The following TRPV3 variants were observed in gnomAD, a reference collection of about 807,000 sequenced individuals.
The protein encoded by TRPV3 is VRL-3.
In TRPV3, 88 loss-of-function variants were observed where a neutral mutation model predicts 87.1. The observed-to-expected ratio is 1.01, with a 90% confidence interval of 0.85 to 1.21. TRPV3 has a LOEUF of 1.21. Among genes scored for constraint, TRPV3 ranks in the 50% most tolerant of loss-of-function variants. TRPV3 has a pLI of 0.00. For synonymous variants in TRPV3, 438 were observed against 423.3 expected (o/e 1.03, Z -0.43); for missense variants, 1,054 against 1,030.1 (o/e 1.02, Z -0.32).
intron 2 of TRPV3, among the ~76,000 whole-genome samples, chr17:3,549,505 T>C (rs1352277594): frequency 6.6e-6 from 1 of 152,162 alleles, no homozygotes; most frequent in South Asian, 2.1e-4. Flanking sequence ...GTCCTAACAC[T>C]CAGAAGACTT....
At chr17:3,527,839 T>A in intron 11 of TRPV3, 186 bp downstream of exon 11, 1 of 592,020 alleles carries the variant, frequency 1.7e-6, no homozygotes, top group South Asian at 2.0e-5. Context: ...GAGAAGTAGA[T>A]GGATGAAGTA....
At chr17:3,532,507 C>T (rs758961155) in intron 8 of TRPV3, 150 bp downstream of exon 8, 15 of 1,039,730 alleles carry the variant, frequency 1.4e-5, no homozygotes, top group Middle Eastern at 3.1e-4. Flanking sequence ...CCGGCCGCCA[C>T]GCCACTGCAG....
chr17:3,515,105 A>G (rs1314702946), intron 16 of TRPV3, among the ~76,000 whole-genome samples: 2 of 152,180 alleles, frequency 1.3e-5, no homozygotes, highest in African/African-American at 2.4e-5. Context: ...CAGTGCCCCA[A>G]CAAGAGTGGG....
chr17:3,551,705 G>A (rs2074576106), intron 2 of TRPV3, among the ~76,000 whole-genome samples: 1 of 151,966 alleles, frequency 6.6e-6, no homozygotes, highest in African/African-American at 2.4e-5. Context: ...GTCCAGGAAG[G>A]AAGCCAAGAT....
chr17:3,528,948 A>G lies in TRPV3; in HGVS notation c.1290T>C (p.His430=). 6.2e-7 allele frequency: 1 copy of G among 1,614,210 alleles called. No individual in the cohort carries two copies. The highest frequency in any genetic ancestry group is 8.5e-7 in the Non-Finnish European group (1 of 1,180,036). Residue 430 remains histidine (H), a synonymous_variant, in exon 10 of 18, where the codon CAT becomes CAC. Transcript: ENST00000576742. The surrounding 1 kb of genome is among the most constrained non-coding windows in gnomAD (Gnocchi z 4.2). ...GCTTGGCAAACTTCTTCCACTTCATATGCAGCAGCGTGTGCAGCGGCTCCA... is the reference window on the plus strand; with the variant it reads ...GCTTGGCAAACTTCTTCCACTTCATGTGCAGCAGCGTGTGCAGCGGCTCCA... The part of the protein sequence containing the change: ...LTLEPLHTLL[H]MKWKKFAKHM...
intron 7 of TRPV3, 140 bp from the exon 8 acceptor site, chr17:3,533,077 T>G: frequency 5.1e-6 from 5 of 988,232 alleles, no homozygotes; most frequent in Non-Finnish European, 7.4e-6. Context: ...CTTCCGCTTC[T>G]ACGGGGAAGA....
In TRPV3 at chr17:3,528,836, C is replaced by A. The variant is rs746673278; in HGVS notation, c.1401+1G>T. 3.7e-6 allele frequency: 6 copies of A among 1,614,020 alleles called. No individual in the cohort carries two copies. Among genetic ancestry groups the A allele is most frequent in the Non-Finnish European group, 5.1e-6 (6 of 1,179,958 alleles). The stretch of plus-strand genomic sequence containing the variant: ...TTTCCCCCTCCAAGGGGCCCACGTA[C>A]CTCCTCCTCCCGGGGGCGGTAGTAC... On this transcript the variant is annotated splice_donor_variant, in intron 10 of 17. Transcript: ENST00000576742. LOFTEE classifies it high-confidence loss of function. This position sits in a 1 kb window ranked among gnomAD's most constrained non-coding sequence, Gnocchi z 4.2.
chr17:3,525,276 T>C (rs2074289088), intron 12 of TRPV3, among the ~76,000 whole-genome samples: 1 of 152,322 alleles, frequency 6.6e-6, no homozygotes, highest in East Asian at 1.9e-4. Flanking sequence ...CACCTCGGCC[T>C]CCCAAAGTGC....
In TRPV3 at chr17:3,518,726, C is replaced by T. The variant is rs146839243; in HGVS notation, c.1935G>A (p.Gln645=). The change falls in exon 15 of 18, where the codon CAG becomes CAA. Residue 645 remains glutamine, a synonymous_variant. Transcript: ENST00000576742. The surrounding 1 kb of genome is among the most constrained non-coding windows in gnomAD (Gnocchi z 4.3). ...LTIGLGDLNI[Q]QNSKYPILFL... ...AGAGAATGGGATACTTGGAGTTCTG[C>T]TGGATGTTCAGGTCACCCAGGCCTA... 1.2e-6 allele frequency: 2 copies of T among 1,613,358 alleles called. No individual in the cohort carries two copies. Among genetic ancestry groups the T allele is most frequent in the East Asian group, 4.5e-5 (2 of 44,890 alleles).
chr17:3,545,092 G>A lies in TRPV3; in HGVS notation c.224+75C>T. On this transcript the variant is annotated intron_variant, in intron 3 of 17. Coordinates refer to ENST00000576742, the MANE Select transcript of TRPV3 (RefSeq NM_145068.4). ...CAGCCAGGCCTGGCCCCGTGACCCAGGGCAAGTCACTGGCCACATGCTGGA... is the reference window on the plus strand; with the variant it reads ...CAGCCAGGCCTGGCCCCGTGACCCAAGGCAAGTCACTGGCCACATGCTGGA... 4.8e-6 allele frequency: 5 copies of A among 1,032,664 alleles called. No individual in the cohort carries two copies. The South Asian group carries it at 7.0e-5, about 15-fold the overall frequency. The allele number at this position is 1,032,664 out of a possible 1,614,324, so 64.0% of individuals were successfully genotyped here. A position where few individuals can be genotyped will look rare whatever the true frequency, so the allele number is the denominator to read the frequency against.
chr17:3,546,971 A>AAAAAAAAAAACAAAC (rs1465437779), intron 2 of TRPV3, among the ~76,000 whole-genome samples: 1 of 151,766 alleles, frequency 6.6e-6, no homozygotes, highest in African/African-American at 2.4e-5. Flanking sequence ...CCTTCTCAAA[A>AAAAAAAAAAACAAAC]AAAAAAAACT....
chr17:3,530,190 A>T lies in TRPV3; in HGVS notation c.1079T>A (p.Ile360Asn). 2 of 1,612,218 alleles carry T rather than the reference A, an allele frequency of 1.2e-6. No individual in the cohort carries two copies. The highest frequency in any genetic ancestry group is 1.7e-6 in the Non-Finnish European group (2 of 1,178,946). The change falls in exon 9 of 18, where the codon ATC (isoleucine) becomes AAC (asparagine). Residue 360 changes from isoleucine to asparagine, a missense_variant. Physicochemically the swap from Ile to Asn is moderately radical, Grantham distance 149. Transcript: ENST00000576742. The surrounding 1 kb of genome is among the most constrained non-coding windows in gnomAD (Gnocchi z 4.0). ...KMGKAEILKYILSREIKEKRL... is the reference protein window; with the variant it reads ...KMGKAEILKYNLSREIKEKRL... ...CTTCTCCTTGATCTCACGACTGAGG[A>T]TGTACTTCAGGATCTGGGACAGGAG...
At chr17:3,516,079 G>A (rs1597464406) in intron 16 of TRPV3, among the ~76,000 whole-genome samples, 1 of 152,108 alleles carries the variant, frequency 6.6e-6, no homozygotes, top group Non-Finnish European at 1.5e-5. Context: ...CCAGCTACTC[G>A]GGAGGCTGAG....
intron 12 of TRPV3, among the ~76,000 whole-genome samples, chr17:3,525,956 C>A (rs1470911328): frequency 6.6e-6 from 1 of 152,116 alleles, no homozygotes; most frequent in Non-Finnish European, 1.5e-5. Flanking sequence ...CGCAAACATA[C>A]AAAATCAATA....
At chr17:3,526,385 G>A (rs2074299864) in intron 12 of TRPV3, among the ~76,000 whole-genome samples, 1 of 152,108 alleles carries the variant, frequency 6.6e-6, no homozygotes, top group African/African-American at 2.4e-5. Flanking sequence ...GGCTGAGGCA[G>A]GAGAATCGCT....
chr17:3,533,079 C>T (rs1597479705), intron 7 of TRPV3, 142 bp from the exon 8 acceptor site: 15 of 978,004 alleles, frequency 1.5e-5, no homozygotes, highest in East Asian at 5.2e-5. Flanking sequence ...TCCGCTTCTA[C>T]GGGGAAGAGT....
chr17:3,533,769 T>A (rs2074373025), intron 7 of TRPV3, among the ~76,000 whole-genome samples: 1 of 152,186 alleles, frequency 6.6e-6, no homozygotes, highest in Admixed American at 6.5e-5. Flanking sequence ...AGTGCTGGGA[T>A]TACAGATGTG....
chr17:3,551,452 G>T (rs2074572781), intron 2 of TRPV3, among the ~76,000 whole-genome samples: 2 of 152,222 alleles, frequency 1.3e-5, no homozygotes, highest in South Asian at 4.1e-4. Flanking sequence ...CTTCTGTCCA[G>T]ACCAAAGGGC....
intron 17 of TRPV3, 78 bp from the exon 18 acceptor site, chr17:3,514,089 CTTTTT>C: frequency 7.6e-7 from 1 of 1,312,006 alleles, no homozygotes; most frequent in Admixed American, 2.5e-5. Flanking sequence ...TCTTTTTTTT[CTTTTT>C]TGAGATGGAG....
Sources: allele counts gnomAD v4.1 joint callset (sites outside exome capture counted in the v4.1 genomes callset), GRCh38; gene constraint gnomAD v4.1.1; non-coding constraint Gnocchi (gnomAD v3.1); transcripts MANE v1.5; gene names NCBI Gene and HGNC (gene_info 2026-07-23, HGNC 2026-07-21).